Variants in PTPRN2 observed in about 807,000 individuals in gnomAD.
PTPRN2 encodes the protein receptor-type tyrosine-protein phosphatase N2.
PTPRN2 carries 74 observed loss-of-function variants against 118.8 expected under a neutral mutation model. The ratio of observed to expected loss-of-function variants is 0.62; its 90% confidence interval spans 0.52 to 0.76. The LOEUF is 0.76. Ranked by LOEUF, PTPRN2 falls within the 30% of genes least tolerant of loss-of-function variation. The pLI, the probability that PTPRN2 is intolerant of heterozygous loss-of-function variation, is 0.00. For missense variants in PTPRN2, 1,481 were observed against 1,394.4 expected (o/e 1.06, Z -0.99); for synonymous variants, 641 against 608.0 (o/e 1.05, Z -0.80).
chr7:158,417,229 T>C (rs1168731461), intron 2 of PTPRN2, among the ~76,000 whole-genome samples: 1 of 152,092 alleles, frequency 6.6e-6, no homozygotes, highest in Non-Finnish European at 1.5e-5. Flanking sequence ...CAAGATGCTC[T>C]AGCTCTCAGT....
At position 157,540,588 on chromosome 7, in the gene PTPRN2, A is replaced by C. The variant is rs1366862215; in HGVS notation, c.*126T>G. The C allele has an allele frequency of 1.5e-6, 1 of 673,776 alleles. No individual in the cohort carries two copies. Among genetic ancestry groups the C allele is most frequent in the Non-Finnish European group, 2.4e-6 (1 of 417,718 alleles). 41.7% of individuals were successfully genotyped at this position (673,776 alleles called of 1,614,324 possible). ...CACTTTTAACTGCTAAACTGCGCTG[A>C]CTACGGGAGAGCTAAGGGCCCTATT... On this transcript the variant is annotated 3_prime_UTR_variant, in exon 23 of 23. Coordinates refer to ENST00000389418, the MANE Select transcript of PTPRN2 (RefSeq NM_002847.5).
intron 12 of PTPRN2, among the ~76,000 whole-genome samples, chr7:157,897,492 C>T (rs1031716350): frequency 6.6e-6 from 1 of 152,182 alleles, no homozygotes; most frequent in Admixed American, 6.5e-5. Context: ...CTCATTCATC[C>T]GGCACGAGCC....
chr7:158,227,728 G>C (rs1418385808), intron 3 of PTPRN2, among the ~76,000 whole-genome samples: 1 of 151,192 alleles, frequency 6.6e-6, no homozygotes, highest in Non-Finnish European at 1.5e-5. Context: ...TGTGAAGGAT[G>C]ATCCCATGCA....
intron 2 of PTPRN2, among the ~76,000 whole-genome samples, chr7:158,429,578 C>A (rs1453453226): frequency 6.6e-6 from 1 of 152,236 alleles, no homozygotes; most frequent in Admixed American, 6.5e-5. Flanking sequence ...CTGGCCTGGT[C>A]CCACCTCCCT....
rs553992460 is a variant in PTPRN2, at chr7:157,617,774, A to G, written c.2344+3588T>C. On this transcript the variant is annotated intron_variant, in intron 15 of 22. Transcript: ENST00000389418. The surrounding 1 kb of genome is among the most constrained non-coding windows in gnomAD (Gnocchi z 7.5). ...AGAAGCTGGGAGATGTGAACCCCAC[A>G]TGACTCTCCTCCTTGCTGTCTTCCT... 1.3e-5 allele frequency: 2 copies of G among 152,380 alleles called. No homozygotes were observed. The highest frequency in any genetic ancestry group is 4.8e-5 in the African/African-American group (2 of 41,574). 9.4% of individuals were successfully genotyped at this position (152,380 alleles called of 1,614,324 possible).
At chr7:157,867,604 C>T (rs556900531) in intron 12 of PTPRN2, among the ~76,000 whole-genome samples, 34 of 150,392 alleles carry the variant, frequency 2.3e-4, no homozygotes, top group South Asian at 1.1e-3. Flanking sequence ...CTGTCCCTGA[C>T]GCCCTGGATA....
At chr7:158,478,009 G>A (rs1340433104) in intron 2 of PTPRN2, among the ~76,000 whole-genome samples, 7 of 152,372 alleles carry the variant, frequency 4.6e-5, no homozygotes, top group South Asian at 2.1e-4. Context: ...GCTGGTCAGC[G>A]GAGCAGGGAC....
intron 2 of PTPRN2, among the ~76,000 whole-genome samples, chr7:158,400,114 G>A (rs1249797887): frequency 6.6e-6 from 1 of 152,144 alleles, no homozygotes; most frequent in Non-Finnish European, 1.5e-5. Flanking sequence ...TTATGTCATC[G>A]TTAAAGCTGT....
intron 9 of PTPRN2, among the ~76,000 whole-genome samples, chr7:158,128,742 T>C (rs1235974314): frequency 6.6e-6 from 1 of 152,036 alleles, no homozygotes; most frequent in Non-Finnish European, 1.5e-5. Context: ...CGGCATCCAT[T>C]TGGAAAGCCC....
At chr7:158,552,508 G>A (rs1003166859) in intron 1 of PTPRN2, among the ~76,000 whole-genome samples, 1 of 152,186 alleles carries the variant, frequency 6.6e-6, no homozygotes, top group African/African-American at 2.4e-5. Flanking sequence ...GGAGTGCACT[G>A]ATGCAATCTC....
chr7:157,712,267 C>A (rs1480712655), intron 12 of PTPRN2, among the ~76,000 whole-genome samples: 1 of 152,170 alleles, frequency 6.6e-6, no homozygotes, highest in Non-Finnish European at 1.5e-5. Context: ...TAAAATTTCT[C>A]AATTTTGAAA....
intron 2 of PTPRN2, among the ~76,000 whole-genome samples, chr7:158,407,197 C>T (rs1813572544): frequency 3.5e-4 from 10 of 28,764 alleles, no homozygotes; most frequent in African/African-American, 9.4e-4. Flanking sequence ...GTCCTGGGTC[C>T]TGGGTCCTGG....
intron 2 of PTPRN2, among the ~76,000 whole-genome samples, chr7:158,385,993 GAGTCCCTCCTCCCGTGCCCCA>G (rs1811315747): frequency 3.9e-5 from 5 of 127,300 alleles, no homozygotes; most frequent in South Asian, 2.8e-4. Context: ...CCCATGCCCT[GAGTCCCTCCTCCCGTGCCCCA>G]AGTCCCTCCT....
intron 1 of PTPRN2, among the ~76,000 whole-genome samples, chr7:158,566,320 C>T (rs1420456812): frequency 6.6e-6 from 1 of 151,730 alleles, no homozygotes; most frequent in Non-Finnish European, 1.5e-5. Context: ...CACCATTGCA[C>T]TCCAGCCTGG....
At chr7:157,855,706 G>A (rs114448269) in intron 12 of PTPRN2, among the ~76,000 whole-genome samples, 182 of 152,302 alleles carry the variant, frequency 1.2e-3, no homozygotes, top group African/African-American at 4.2e-3. Flanking sequence ...AGGGAGAGCC[G>A]GAGCCAGGAA....
intron 12 of PTPRN2, among the ~76,000 whole-genome samples, chr7:157,817,716 G>A (rs1806503927): frequency 6.6e-6 from 1 of 152,232 alleles, no homozygotes; most frequent in African/African-American, 2.4e-5. Flanking sequence ...CCCTGCAGAG[G>A]GTGTGTCCGT....
At chr7:158,261,068 T>C (rs1797364293) in intron 3 of PTPRN2, among the ~76,000 whole-genome samples, 1 of 152,062 alleles carries the variant, frequency 6.6e-6, no homozygotes, top group Non-Finnish European at 1.5e-5. Flanking sequence ...ACCTGGGGTA[T>C]CCAGCAAGGG....
intron 6 of PTPRN2, among the ~76,000 whole-genome samples, chr7:158,146,581 C>T (rs141016125): frequency 2.0e-5 from 3 of 151,370 alleles, no homozygotes; most frequent in Admixed American, 6.6e-5. Flanking sequence ...ATTAGCCAGG[C>T]GTGGTGGCGG....
At chr7:158,197,167 T>G (rs1826274191) in intron 4 of PTPRN2, among the ~76,000 whole-genome samples, 1 of 152,088 alleles carries the variant, frequency 6.6e-6, no homozygotes, top group African/African-American at 2.4e-5. Flanking sequence ...CTGAGGGAGG[T>G]GCAGCTCAGA....
Sources: gnomAD v4.1 joint callset for allele counts (sites outside exome capture counted in the v4.1 genomes callset) on GRCh38, gnomAD v4.1.1 for gene constraint, Gnocchi (gnomAD v3.1) non-coding constraint, MANE v1.5 for transcripts, NCBI Gene and HGNC (gene_info 2026-07-23, HGNC 2026-07-21) for gene names.